The following DKK2 variants were observed in gnomAD, a reference collection of about 807,000 sequenced individuals.
The protein encoded by DKK2 is dickkopf-related protein 2.
In DKK2, 11 loss-of-function variants were observed where a neutral mutation model predicts 28.1. The observed-to-expected ratio is 0.39, with a 90% confidence interval of 0.25 to 0.65. The LOEUF is 0.65. Ranked by LOEUF, DKK2 falls within the 30% of genes least tolerant of loss-of-function variation. The pLI, the probability that DKK2 is intolerant of heterozygous loss-of-function variation, is 0.47. For missense variants in DKK2, 326 were observed against 335.5 expected, an observed-to-expected ratio of 0.97 and a Z score of 0.22; for synonymous variants, 135 against 126.5, an observed-to-expected ratio of 1.07 and a Z score of -0.45.
intron 1 of DKK2, among the ~76,000 whole-genome samples, chr4:107,011,082 T>C (rs1177098266): frequency 1.3e-5 from 2 of 151,428 alleles, no homozygotes; most frequent in East Asian, 3.9e-4. Flanking sequence ...CACACAGATA[T>C]GTAGTTTGAA....
At chr4:107,021,786 T>C (rs778188251) in intron 1 of DKK2, among the ~76,000 whole-genome samples, 38 of 152,046 alleles carry the variant, frequency 2.5e-4, no homozygotes, top group Admixed American at 5.2e-4. Context: ...TCTCCTACAA[T>C]ATTTGGGGGG....
At chr4:107,011,232 A>T (rs1023278273) in intron 1 of DKK2, among the ~76,000 whole-genome samples, 1 of 151,604 alleles carries the variant, frequency 6.6e-6, no homozygotes, top group East Asian at 1.9e-4. Context: ...AACATCATAT[A>T]ATCTGTGACA....
chr4:106,938,542 A>G (rs976654008), intron 1 of DKK2, among the ~76,000 whole-genome samples: 5 of 152,152 alleles, frequency 3.3e-5, no homozygotes, highest in African/African-American at 1.2e-4. Flanking sequence ...CCAGAGGTAA[A>G]AGGAGGAAAT....
rs1052172840 is a variant in DKK2 at position 106,960,212 on chromosome 4, A to G, written c.223-34263T>C. On this transcript the variant is annotated intron_variant, in intron 1 of 3. Coordinates refer to ENST00000285311, the MANE Select transcript of DKK2 (RefSeq NM_014421.3). ...AGAATATATATGAGATATGTGATAT[A>G]TATATAAAATATGGAATACTACTCA... 3.3e-5 allele frequency among the ~76,000 whole-genome samples: 5 copies of G among 151,338 alleles called. No individual in the cohort carries two copies. In the South Asian group the frequency reaches 1.0e-3, roughly 32 times the overall value.
At chr4:106,950,028 T>G (rs1724835894) in intron 1 of DKK2, among the ~76,000 whole-genome samples, 1 of 152,106 alleles carries the variant, frequency 6.6e-6, no homozygotes, top group African/African-American at 2.4e-5. Context: ...TTCTGGAGAG[T>G]GTAAAACATG....
At chr4:107,023,005 C>T (rs1209847676) in intron 1 of DKK2, among the ~76,000 whole-genome samples, 1 of 151,872 alleles carries the variant, frequency 6.6e-6, no homozygotes, top group Non-Finnish European at 1.5e-5. Context: ...ATTTGAGTTG[C>T]CTGTCAGATG....
chr4:106,994,963 C>G (rs1723250993), intron 1 of DKK2, among the ~76,000 whole-genome samples: 1 of 152,144 alleles, frequency 6.6e-6, no homozygotes, highest in Non-Finnish European at 1.5e-5. Flanking sequence ...TATTCTACAA[C>G]AAAAATTTCT....
intron 1 of DKK2, among the ~76,000 whole-genome samples, chr4:107,006,403 C>T (rs1333242706): frequency 6.6e-6 from 1 of 152,062 alleles, no homozygotes; most frequent in African/African-American, 2.4e-5. Context: ...GGGAGGAAGT[C>T]CTCCCTGGTC....
intron 1 of DKK2, 106 bp from the exon 2 acceptor site, chr4:106,926,055 A>G: frequency 3.3e-6 from 4 of 1,230,508 alleles, no homozygotes; most frequent in Non-Finnish European, 4.4e-6. Context: ...AATATATCTC[A>G]CCCGGAAGGA....
At chr4:106,994,984 A>G (rs1723251264) in intron 1 of DKK2, among the ~76,000 whole-genome samples, 1 of 152,236 alleles carries the variant, frequency 6.6e-6, no homozygotes, top group Non-Finnish European at 1.5e-5. Flanking sequence ...CAAGCCTGGC[A>G]TATTATTTTA....
intron 1 of DKK2, among the ~76,000 whole-genome samples, chr4:106,998,861 G>T (rs187278376): frequency 6.6e-6 from 1 of 152,234 alleles, no homozygotes; most frequent in East Asian, 1.9e-4. Context: ...CTCACAAATT[G>T]ATTATGTTGT....
intron 1 of DKK2, among the ~76,000 whole-genome samples, chr4:106,964,410 G>A (rs1465635863): frequency 1.3e-5 from 2 of 152,092 alleles, no homozygotes; most frequent in African/African-American, 4.8e-5. Context: ...CAAAAATGAT[G>A]TTTAGACAGA....
chr4:106,936,174 C>A (rs148147308), intron 1 of DKK2, among the ~76,000 whole-genome samples: 2 of 151,700 alleles, frequency 1.3e-5, no homozygotes, highest in Non-Finnish European at 2.9e-5. Context: ...CTTTGAGCTA[C>A]GGGAGGACAT....
intron 1 of DKK2, among the ~76,000 whole-genome samples, chr4:106,969,283 A>C (rs981951014): frequency 4.7e-5 from 7 of 148,124 alleles, no homozygotes; most frequent in Middle Eastern, 3.4e-3. Context: ...TTCCTCTCTC[A>C]TCTCTCATCT....
chr4:106,955,983 A>G (rs989614434), intron 1 of DKK2, among the ~76,000 whole-genome samples: 2 of 152,118 alleles, frequency 1.3e-5, no homozygotes, highest in Non-Finnish European at 2.9e-5. Flanking sequence ...TCATTTTACT[A>G]TGGCTGTTTA....
intron 1 of DKK2, among the ~76,000 whole-genome samples, chr4:107,029,371 A>G (rs935637841): frequency 2.6e-5 from 4 of 152,110 alleles, no homozygotes; most frequent in African/African-American, 4.8e-5. Context: ...TAACCTCTCT[A>G]TGTCTCAGGA....
chr4:107,028,048 T>G (rs572693001), intron 1 of DKK2, among the ~76,000 whole-genome samples: 69 of 152,226 alleles, frequency 4.5e-4, no homozygotes, highest in Admixed American at 2.1e-3. Context: ...CACCGCGCCC[T>G]GCCATGATTG....
intron 1 of DKK2, among the ~76,000 whole-genome samples, chr4:106,936,222 A>C (rs1257046924): frequency 6.6e-6 from 1 of 152,010 alleles, no homozygotes; most frequent in Non-Finnish European, 1.5e-5. Context: ...CTTTGAAAAA[A>C]ATTTAGAAGA....
intron 1 of DKK2, among the ~76,000 whole-genome samples, chr4:106,957,443 C>T (rs1377781374): frequency 6.6e-6 from 1 of 151,996 alleles, no homozygotes; most frequent in African/African-American, 2.4e-5. Context: ...GCTGTAAAGA[C>T]ACAGGCACAC....
Sources: gnomAD v4.1 joint callset for allele counts (sites outside exome capture counted in the v4.1 genomes callset) on GRCh38, gnomAD v4.1.1 for gene constraint, MANE v1.5 for transcripts, NCBI Gene and HGNC (gene_info 2026-07-23, HGNC 2026-07-21) for gene names.